BSN: variants seen among roughly 807,000 people sequenced by gnomAD.
BSN encodes protein bassoon.
A neutral mutation model predicts 264.8 loss-of-function variants in BSN; 57 were observed. That is an observed-to-expected ratio of 0.22 (90% CI 0.17 to 0.27). The LOEUF (loss-of-function observed/expected upper bound fraction) is 0.27. Among genes scored for constraint, BSN ranks in the 10% least tolerant of loss-of-function variants. The pLI, the probability that BSN is intolerant of heterozygous loss-of-function variation, is 1.00. For synonymous variants in BSN, 2,059 were observed against 2,137.3 expected (o/e 0.96, Z 1.01); for missense variants, 4,615 against 5,232.5 (o/e 0.88, Z 3.64).
At chr3:49,561,026 G>A (rs1465996657) in intron 1 of BSN, among the ~76,000 whole-genome samples, 1 of 152,146 alleles carries the variant, frequency 6.6e-6, no homozygotes, top group Non-Finnish European at 1.5e-5. Context: ...TCGTCTTTAC[G>A]GGCACATAGG....
rs1376809229 is a variant in BSN, at chr3:49,654,853, G to A, written c.5297G>A (p.Gly1766Asp). ...QSRLDFGQGG[G>D]SPVCLAQVKQ... ...CGCCTTGACTTTGGCCAGGGTGGGGGTAGCCCTGTGTGCCTGGCCCAGGTC... is the reference window on the plus strand; with the variant it reads ...CGCCTTGACTTTGGCCAGGGTGGGGATAGCCCTGTGTGCCTGGCCCAGGTC... The change falls in exon 5 of 12, where the codon GGT becomes GAT. Residue 1766 changes from glycine (G) to aspartate (D), a missense_variant. By Grantham distance (94) the Gly-to-Asp change is moderately conservative. Around this residue, in one of 3 missense-constraint regions of BSN, gnomAD observed 3,415 missense variants for 3,866.4 expected, o/e 0.88. Transcript: ENST00000296452. This position sits in a 1 kb window ranked among gnomAD's most constrained non-coding sequence, Gnocchi z 4.1. 1 of 1,613,484 alleles carries A rather than the reference G, an allele frequency of 6.2e-7. No homozygotes were observed. The highest frequency in any genetic ancestry group is 8.5e-7 in the Non-Finnish European group (1 of 1,179,998).
intron 1 of BSN, among the ~76,000 whole-genome samples, chr3:49,597,279 A>T (rs528737983): frequency 6.6e-6 from 1 of 152,004 alleles, no homozygotes; most frequent in Admixed American, 6.5e-5. Flanking sequence ...TTCTCCTACC[A>T]GCTCAAATGT....
At chr3:49,620,515 T>G (rs1251078406) in intron 1 of BSN, among the ~76,000 whole-genome samples, 1 of 151,088 alleles carries the variant, frequency 6.6e-6, no homozygotes, top group Non-Finnish European at 1.5e-5. Context: ...GGAGTGGGCC[T>G]GGCATAAGGG....
At chr3:49,606,014 A>G (rs1419691148) in intron 1 of BSN, among the ~76,000 whole-genome samples, 3 of 92,624 alleles carry the variant, frequency 3.2e-5, no homozygotes, top group Admixed American at 2.0e-4. Flanking sequence ...ATATACATAG[A>G]AATATATATT....
At chr3:49,558,078 G>A (rs1295150047) in intron 1 of BSN, among the ~76,000 whole-genome samples, 1 of 152,178 alleles carries the variant, frequency 6.6e-6, no homozygotes, top group African/African-American at 2.4e-5. Context: ...AGACACTGTG[G>A]GCAGCTCAGT....
Position 49,662,057 on chromosome 3 carries a change from C to T in BSN, c.10212C>T (p.Phe3404=), listed in dbSNP as rs138045963. Residue 3404 remains phenylalanine (F), a synonymous_variant, in exon 6 of 12, where the codon TTC becomes TTT. Coordinates refer to ENST00000296452, the MANE Select transcript of BSN (RefSeq NM_003458.4). ...GCCTGGTCTCTCGGGGCAGGAAGTT[C>T]CAGGATGAAATCACCTATGGGCTCA... is the stretch of plus-strand genomic sequence containing the variant. ...SSSLVSRGRK[F]QDEITYGLKK... 2.3e-5 allele frequency: 37 copies of T among 1,613,602 alleles called. No individual in the cohort carries two copies. Among genetic ancestry groups the T allele is most frequent in the Non-Finnish European group, 3.1e-5 (37 of 1,180,050 alleles).
In BSN at chr3:49,654,938, C is replaced by T; in HGVS notation, c.5382C>T (p.Pro1794=). Residue 1794 remains proline (P), a synonymous_variant, in exon 5 of 12, where the codon CCC becomes CCT. Transcript: ENST00000296452. The surrounding 1 kb of genome is among the most constrained non-coding windows in gnomAD (Gnocchi z 4.1). The stretch of plus-strand genomic sequence containing the variant: ...ACCGAAGTGGGCCCCGGGGAAGACC[C>T]AGGGAGGCCAAGTTTGCCAGATATA... The part of the protein sequence containing the change: ...APYRSGPRGR[P]REAKFARYNL... 1 of 1,611,712 alleles carries T rather than the reference C, an allele frequency of 6.2e-7. No homozygotes were observed. Among genetic ancestry groups the T allele is most frequent in the African/African-American group, 1.3e-5 (1 of 75,000 alleles).
chr3:49,606,164 ACATATATTATATATGTATATATATT>A (rs2052140235), intron 1 of BSN, among the ~76,000 whole-genome samples: 1 of 41,078 alleles, frequency 2.4e-5, no homozygotes, highest in African/African-American at 9.3e-5. Flanking sequence ...TATTATATAT[ACATATATTATATATGTATATATATT>A]ATATATACAT....
downstream of BSN, among the ~76,000 whole-genome samples, chr3:49,672,686 G>A (rs1418285326): frequency 6.7e-6 from 1 of 150,290 alleles, no homozygotes; most frequent in Non-Finnish European, 1.5e-5. Flanking sequence ...TCTCCATGTT[G>A]GCCAAGCTGA....
intron 1 of BSN, among the ~76,000 whole-genome samples, chr3:49,606,769 C>T (rs1208238448): frequency 6.6e-6 from 1 of 152,122 alleles, no homozygotes; most frequent in East Asian, 1.9e-4. Flanking sequence ...CTTGAGTCCC[C>T]AGCACCTTCC....
rs1393422837 is a variant in BSN, at chr3:49,654,179, C to T, written c.4623C>T (p.Ser1541=). 1 of 1,614,040 alleles carries T rather than the reference C, an allele frequency of 6.2e-7. No individual in the cohort carries two copies. The highest frequency in any genetic ancestry group is 8.5e-7 in the Non-Finnish European group (1 of 1,180,022). ...AQGTQTPHRP[S]TPRLVWQESS... ...GTACACAAACACCACATCGACCCAG[C>T]ACGCCTCGCCTGGTGTGGCAGGAGT... The change falls in exon 5 of 12, where the codon AGC becomes AGT. Residue 1541 remains serine (S), a synonymous_variant. Transcript: ENST00000296452. The surrounding 1 kb of genome is among the most constrained non-coding windows in gnomAD (Gnocchi z 4.1).
Position 49,554,601 on chromosome 3 carries a change from C to A in BSN, c.-2C>A. 1.0e-6 allele frequency: 1 copy of A among 988,206 alleles called. No homozygotes were observed. The allele number at this position is 988,206 out of a possible 1,614,324, so 61.2% of individuals were successfully genotyped here. ...CCGACCCCGCCCGCCCGCCTGCCCG[C>A]CATGGGCAACGAGGTCAGCCTGGAG... On this transcript the variant is annotated 5_prime_UTR_variant, in exon 1 of 12. Coordinates refer to ENST00000296452, the MANE Select transcript of BSN (RefSeq NM_003458.4).
chr3:49,584,645 TTTAAG>T (rs1475132391), intron 1 of BSN, among the ~76,000 whole-genome samples: 3 of 152,216 alleles, frequency 2.0e-5, no homozygotes, highest in Middle Eastern at 3.2e-3. Context: ...AATCACATTC[TTTAAG>T]TTATTTAAAA....
chr3:49,634,447 C>G (rs1025710612), intron 2 of BSN, among the ~76,000 whole-genome samples: 2 of 152,160 alleles, frequency 1.3e-5, no homozygotes, highest in African/African-American at 4.8e-5. Flanking sequence ...GATGGAGTCT[C>G]GCTTTGTCGC....
Position 49,666,995 on chromosome 3 carries a change from G to A in BSN, c.*105-595G>A. 1.3e-5 allele frequency among the ~76,000 whole-genome samples: 2 copies of A among 152,174 alleles called. 1 individual carries two copies. Among genetic ancestry groups the A allele is most frequent in the Non-Finnish European group, 2.9e-5 (2 of 68,042 alleles). On this transcript the variant is annotated intron_variant, in intron 11 of 11. Coordinates refer to ENST00000296452, the MANE Select transcript of BSN (RefSeq NM_003458.4). The stretch of plus-strand genomic sequence containing the variant: ...TGGTGCTGAAAGTGGGGGAAGGAGG[G>A]ACAGCCCATGGCCTGGATTCATGAC...
Position 49,625,097 on chromosome 3 carries a change from G to C in BSN, c.347G>C (p.Gly116Ala). 1 of 1,605,338 alleles carries C rather than the reference G, an allele frequency of 6.2e-7. No individual in the cohort carries two copies. The highest frequency in any genetic ancestry group is 2.3e-5 in the East Asian group (1 of 44,358). Residue 116 changes from glycine (G) to alanine (A), a missense_variant, in exon 2 of 12, where the codon GGA becomes GCA. Physicochemically the swap from Gly to Ala is moderately conservative, Grantham distance 60. This residue lies in a region of BSN where 1,197 missense variants were observed against 1,348.0 expected (regional missense o/e 0.89). Transcript: ENST00000296452. The surrounding 1 kb of genome is among the most constrained non-coding windows in gnomAD (Gnocchi z 4.4). The part of the protein sequence containing the change: ...HESPRETRAQ[G>A]PAGQEADGPR... ...AGCCCCCGAGAGACAAGGGCACAGG[G>C]ACCAGCAGGCCAGGAGGCTGATGGT...
At chr3:49,617,952 T>G (rs2052274446) in intron 1 of BSN, among the ~76,000 whole-genome samples, 1 of 152,166 alleles carries the variant, frequency 6.6e-6, no homozygotes, top group African/African-American at 2.4e-5. Flanking sequence ...ATACGTAGAC[T>G]CATCATGGCA....
At chr3:49,673,108 TTTTTTTTAC>T (rs2052850439), downstream of BSN, among the ~76,000 whole-genome samples, 1 of 135,068 alleles carries the variant, frequency 7.4e-6, no homozygotes, top group African/African-American at 2.7e-5. Flanking sequence ...TTTTTTTTTT[TTTTTTTTAC>T]TTAACTAGTT....
intron 1 of BSN, among the ~76,000 whole-genome samples, chr3:49,622,917 G>A (rs528040348): frequency 1.9e-4 from 29 of 152,298 alleles, no homozygotes; most frequent in Non-Finnish European, 4.0e-4. Flanking sequence ...AGCAATTGGC[G>A]GGTCTGTGAC....
Sources: gnomAD v4.1 joint callset for allele counts (sites outside exome capture counted in the v4.1 genomes callset) on GRCh38, gnomAD v4.1.1 for gene constraint, gnomAD v4.1.1 regional missense constraint, Gnocchi (gnomAD v3.1) non-coding constraint, MANE v1.5 for transcripts, NCBI Gene and HGNC (gene_info 2026-07-23, HGNC 2026-07-21) for gene names.